The following SWI5 variants were observed in gnomAD, a reference collection of about 807,000 sequenced individuals.
SWI5 encodes SWI5 homologous recombination repair protein, also known as DNA repair protein SWI5 homolog.
SWI5 carries 12 observed loss-of-function variants against 17.0 expected under a neutral mutation model. The observed-to-expected ratio is 0.71, with a 90% CI of 0.45 to 1.14. The LOEUF is 1.14. Among genes scored for constraint, SWI5 ranks in the 50% most tolerant of loss-of-function variants. The pLI, the probability that SWI5 is intolerant of heterozygous loss-of-function variation, is 0.00. For missense variants in SWI5, 158 were observed against 162.2 expected (o/e 0.97, Z 0.14); for synonymous variants, 61 against 64.0 (o/e 0.95, Z 0.22).
chr9:128,278,812 G>C (rs554365768), intron 2 of SWI5: 1 of 384,042 alleles, frequency 2.6e-6, no homozygotes, highest in Non-Finnish European at 5.2e-6. Flanking sequence ...TTGCTCTGTC[G>C]CCCAGGCTGG....
intron 2 of SWI5, among the ~76,000 whole-genome samples, chr9:128,279,456 A>G (rs149003699): frequency 2.3e-4 from 35 of 152,316 alleles, no homozygotes; most frequent in African/African-American, 7.5e-4. Context: ...AGTGATTGAT[A>G]AGATCAAGCA....
Position 128,285,523 on chromosome 9 carries a change from A to G in SWI5, c.234-416A>G, listed in dbSNP as rs1831623635. Among the ~76,000 whole-genome samples the G allele has an allele frequency of 2.6e-5, 4 of 152,202 alleles. No individual in the cohort carries two copies. The highest frequency in any genetic ancestry group is 7.2e-5 in the African/African-American group (3 of 41,456). ...CCTGCAGGTGGAGTTTTCAGTGTGT[A>G]GGGAAAGCTGGCTCTTGAACGCCTC... On this transcript the variant is annotated intron_variant, in intron 3 of 4. Coordinates refer to ENST00000418976, the Ensembl canonical transcript of SWI5. The surrounding 1 kb of genome is among the most constrained non-coding windows in gnomAD (Gnocchi z 4.8).
chr9:128,282,015 G>A (rs997775110), intron 2 of SWI5, among the ~76,000 whole-genome samples: 7 of 152,214 alleles, frequency 4.6e-5, no homozygotes, highest in African/African-American at 1.7e-4. Flanking sequence ...GAAAGTTGAG[G>A]CTACAGTGAG....
chr9:128,277,946 CTCTTT>C (rs1831461559), intron 2 of SWI5, among the ~76,000 whole-genome samples: 1 of 124,472 alleles, frequency 8.0e-6, no homozygotes, highest in Non-Finnish European at 1.6e-5. Flanking sequence ...TTCATTCCTT[CTCTTT>C]TTTTTTTTTT....
chr9:128,275,980 C>G, upstream of SWI5: 1 of 1,598,946 alleles, frequency 6.3e-7, no homozygotes, highest in Non-Finnish European at 8.5e-7. Context: ...GCCACATCAG[C>G]GCGATCCCGG....
chr9:128,275,627 T>G (rs1041060260), upstream of SWI5: 20 of 739,790 alleles, frequency 2.7e-5, no homozygotes, highest in Admixed American at 1.9e-4. Context: ...GAGGTCGGAC[T>G]TCGGGGGGCA....
intron 4 of SWI5, 82 bp from the exon 5 acceptor site, chr9:128,288,570 C>A: frequency 6.7e-7 from 1 of 1,488,724 alleles, no homozygotes; most frequent in Non-Finnish European, 9.3e-7. Flanking sequence ...TGGGTCAGGG[C>A]AGTGACACTG....
At chr9:128,276,343 G>A (rs1831373090) in exon 1 of SWI5, 1 of 1,613,316 alleles carries the variant, frequency 6.2e-7, no homozygotes, top group Non-Finnish European at 8.5e-7. Flanking sequence ...CTCCCGCGCT[G>A]GACCCTCTTG....
exon 1 of SWI5, chr9:128,276,330 C>T (rs1254052401): frequency 1.9e-6 from 3 of 1,613,126 alleles, no homozygotes; most frequent in South Asian, 1.1e-5. Flanking sequence ...GGTCGCTCTC[C>T]GACTCCCGCG....
upstream of SWI5, chr9:128,275,610 G>C: frequency 2.3e-5 from 19 of 813,458 alleles, no homozygotes; most frequent in Non-Finnish European, 3.1e-5. Context: ...AGCCCAAAGA[G>C]CCCAGGGAGG....
At chr9:128,279,801 G>A (rs1831504531) in intron 2 of SWI5, among the ~76,000 whole-genome samples, 1 of 152,140 alleles carries the variant, frequency 6.6e-6, no homozygotes, top group Non-Finnish European at 1.5e-5. Context: ...TCCAAGGAAA[G>A]GAGACTCCCT....
chr9:128,276,511 C>T, intron 1 of SWI5, 109 bp downstream of exon 1: 1 of 1,570,638 alleles, frequency 6.4e-7, no homozygotes, highest in Non-Finnish European at 8.7e-7. Flanking sequence ...GTGCTCCAGA[C>T]AACCCCCGTC....
chr9:128,280,447 T>C (rs367953873), intron 2 of SWI5, among the ~76,000 whole-genome samples: 6 of 151,940 alleles, frequency 3.9e-5, no homozygotes, highest in African/African-American at 1.4e-4. Flanking sequence ...CCCCAAGCTC[T>C]TGAAGTGTGC....
At chr9:128,287,141 C>CAAA (rs35520517) in intron 4 of SWI5, among the ~76,000 whole-genome samples, 6 of 50,340 alleles carry the variant, frequency 1.2e-4, no homozygotes, top group Admixed American at 2.5e-4. Context: ...AACTCCATCT[C>CAAA]AAAAAAAAAA....
At chr9:128,281,096 G>A (rs1831531183) in intron 2 of SWI5, among the ~76,000 whole-genome samples, 1 of 132,018 alleles carries the variant, frequency 7.6e-6, no homozygotes, top group Non-Finnish European at 1.5e-5. Flanking sequence ...GGCGTGCAAT[G>A]GTGTGATGTT....
exon 2 of SWI5, chr9:128,276,725 C>A: frequency 6.2e-7 from 1 of 1,613,470 alleles, no homozygotes; most frequent in Non-Finnish European, 8.5e-7. Context: ...CAAGACTTAC[C>A]CGAAGTTGCC....
At chr9:128,281,665 A>G (rs1184227694) in intron 2 of SWI5, among the ~76,000 whole-genome samples, 2 of 152,266 alleles carry the variant, frequency 1.3e-5, no homozygotes, top group Non-Finnish European at 2.9e-5. Context: ...ACACTATGCA[A>G]TCAGCAGTAA....
intron 2 of SWI5, among the ~76,000 whole-genome samples, chr9:128,279,394 T>C (rs921840721): frequency 2.0e-5 from 3 of 151,800 alleles, no homozygotes; most frequent in Non-Finnish European, 2.9e-5. Flanking sequence ...GGCACGCTGA[T>C]ATTTACTGCA....
intron 4 of SWI5, 161 bp downstream of exon 4, chr9:128,286,194 TG>T: frequency 1.7e-6 from 1 of 587,872 alleles, no homozygotes; most frequent in Admixed American, 2.9e-5. Context: ...GACCAGCCTC[TG>T]GTCTCCCTGG....
Sources: gnomAD v4.1 joint callset for allele counts (sites outside exome capture counted in the v4.1 genomes callset) on GRCh38, gnomAD v4.1.1 for gene constraint, Gnocchi (gnomAD v3.1) non-coding constraint, MANE v1.5 for transcripts, NCBI Gene and HGNC (gene_info 2026-07-23, HGNC 2026-07-21) for gene names.